The following ABCC1 variants were observed in gnomAD, a reference collection of about 807,000 sequenced individuals.
ABCC1 encodes the protein multidrug resistance-associated protein 1.
A neutral mutation model predicts 172.9 loss-of-function variants in ABCC1; 83 were observed. The observed-to-expected ratio is 0.48, with a 90% CI of 0.40 to 0.58. ABCC1 has a LOEUF of 0.58. ABCC1 is among the 20% of genes least tolerant of loss of function. The pLI is 0.00. For missense variants in ABCC1, 1,817 were observed against 2,002.7 expected (o/e 0.91, Z 1.77); for synonymous variants, 937 against 825.2 (o/e 1.14, Z -2.32).
At chr16:16,048,012 G>A (rs898303997) in intron 9 of ABCC1, 130 bp from the exon 10 acceptor site, 7 of 1,185,546 alleles carry the variant, frequency 5.9e-6, no homozygotes, top group South Asian at 2.8e-5. Context: ...CAGATAGGTC[G>A]GGAGGGGAGG....
At chr16:16,071,615 T>C in intron 13 of ABCC1, 27 bp from the exon 14 acceptor site, 1 of 1,604,552 alleles carries the variant, frequency 6.2e-7, no homozygotes, top group Non-Finnish European at 8.5e-7. Flanking sequence ...TAAAAATAAC[T>C]CTCCCCTGCC....
intron 1 of ABCC1, among the ~76,000 whole-genome samples, chr16:15,999,221 G>A (rs566951346): frequency 9.2e-5 from 14 of 152,114 alleles, no homozygotes; most frequent in Admixed American, 5.9e-4. Flanking sequence ...TAGCCAGGAT[G>A]GTCTCCATCT....
At chr16:16,073,971 C>T (rs937094889) in intron 14 of ABCC1, among the ~76,000 whole-genome samples, 9 of 152,134 alleles carry the variant, frequency 5.9e-5, no homozygotes, top group South Asian at 2.1e-4. Context: ...AAACGTTTGA[C>T]ACGTTTGACA....
intron 1 of ABCC1, among the ~76,000 whole-genome samples, chr16:15,979,338 A>G (rs550279681): frequency 6.6e-6 from 1 of 152,096 alleles, no homozygotes; most frequent in Admixed American, 6.5e-5. Flanking sequence ...TTTTTCCACA[A>G]ATGTGAAGTA....
At position 16,021,756 on chromosome 16, in the gene ABCC1, A is replaced by G. The variant is rs77670406; in HGVS notation, c.615+5135A>G. 9.8e-3 allele frequency among the ~76,000 whole-genome samples: 1,484 copies of G among 152,186 alleles called. 10 individuals carry two copies. The highest frequency in any genetic ancestry group is 0.017 in the Middle Eastern group (5 of 294). On this transcript the variant is annotated intron_variant, in intron 5 of 30. Coordinates refer to ENST00000399410, the MANE Select transcript of ABCC1 (RefSeq NM_004996.4). ...AACAAACAAACAAAATAACCACATA[A>G]CTACCTAGCAACGTAGCCTAGCAAT... is the stretch of plus-strand genomic sequence containing the variant.
At chr16:15,956,063 C>G (rs2045990937) in intron 1 of ABCC1, among the ~76,000 whole-genome samples, 1 of 152,086 alleles carries the variant, frequency 6.6e-6, no homozygotes, top group African/African-American at 2.4e-5. Context: ...GTCTGGCCAA[C>G]ATGGTGAAAG....
At chr16:15,959,825 C>T (rs1165568113) in intron 1 of ABCC1, among the ~76,000 whole-genome samples, 1 of 152,126 alleles carries the variant, frequency 6.6e-6, no homozygotes, top group African/African-American at 2.4e-5. Context: ...AGGCTAGCAT[C>T]CTGTAACCCT....
intron 24 of ABCC1, among the ~76,000 whole-genome samples, chr16:16,123,960 TGA>T (rs963220233): frequency 6.6e-6 from 1 of 152,174 alleles, no homozygotes; most frequent in Non-Finnish European, 1.5e-5. Context: ...GAGGCGGCAG[TGA>T]GCTGTGATCA....
At chr16:16,055,113 C>T (rs1454465335) in intron 11 of ABCC1, among the ~76,000 whole-genome samples, 1 of 151,988 alleles carries the variant, frequency 6.6e-6, no homozygotes, top group Non-Finnish European at 1.5e-5. Flanking sequence ...GCCTGTGGTC[C>T]CAGATACTAA....
At chr16:15,956,975 C>G (rs967748554) in intron 1 of ABCC1, among the ~76,000 whole-genome samples, 4 of 152,042 alleles carry the variant, frequency 2.6e-5, no homozygotes, top group East Asian at 1.9e-4. Flanking sequence ...TGGGCGGTGT[C>G]GAAACTTCTT....
chr16:16,079,028 C>T (rs2050699445), intron 15 of ABCC1, among the ~76,000 whole-genome samples: 1 of 152,086 alleles, frequency 6.6e-6, no homozygotes, highest in South Asian at 2.1e-4. Context: ...TTGCGTCATG[C>T]CCCCAGTAAA....
intron 1 of ABCC1, among the ~76,000 whole-genome samples, chr16:15,963,855 C>T (rs1018447853): frequency 2.0e-4 from 31 of 152,250 alleles, no homozygotes; most frequent in Non-Finnish European, 2.2e-4. Flanking sequence ...GAATTGGGCT[C>T]CTTGTTACTT....
chr16:16,107,695 A>C (rs1340285026), intron 21 of ABCC1, among the ~76,000 whole-genome samples: 1 of 152,030 alleles, frequency 6.6e-6, no homozygotes, highest in Admixed American at 6.6e-5. Context: ...TCTTTGTAAC[A>C]AGGAGACCGG....
intron 19 of ABCC1, among the ~76,000 whole-genome samples, chr16:16,093,518 C>T (rs926624392): frequency 8.5e-5 from 13 of 152,236 alleles, no homozygotes; most frequent in South Asian, 8.3e-4. Flanking sequence ...CCTGGCACCT[C>T]GTGCGTTCAT....
intron 1 of ABCC1, among the ~76,000 whole-genome samples, chr16:16,005,646 G>C (rs1049440415): frequency 1.3e-4 from 19 of 151,980 alleles, no homozygotes; most frequent in Admixed American, 7.9e-4. Context: ...GCGCCCAGAA[G>C]ATTTTCTGAT....
In ABCC1 at chr16:16,068,308, G is replaced by C. The variant is rs1278555559; in HGVS notation, c.1824+6G>C. The C allele has an allele frequency of 6.2e-7, 1 of 1,613,456 alleles. No individual in the cohort carries two copies. Among genetic ancestry groups the C allele is most frequent in the Non-Finnish European group, 8.5e-7 (1 of 1,179,826 alleles). On this transcript the variant is annotated splice_donor_region_variant and intron_variant, in intron 13 of 30. Coordinates refer to ENST00000399410, the MANE Select transcript of ABCC1 (RefSeq NM_004996.4). ...TCATCAGCAGCATCGTGCAGGTACA[G>C]GGGGAAGCTGGGGCGACTTCCGAGA...
At chr16:16,111,939 T>C (rs745871098) in intron 22 of ABCC1, among the ~76,000 whole-genome samples, 2 of 152,178 alleles carry the variant, frequency 1.3e-5, no homozygotes, top group Non-Finnish European at 2.9e-5. Context: ...TTGCGGACTT[T>C]TGCCTGCTGA....
At chr16:16,016,697 C>G (rs368768722) in intron 5 of ABCC1, 76 bp downstream of exon 5, 17 of 1,581,594 alleles carry the variant, frequency 1.1e-5, no homozygotes, top group Admixed American at 8.7e-5. Context: ...GCTAACATTT[C>G]TTAGATCCAT....
intron 5 of ABCC1, among the ~76,000 whole-genome samples, chr16:16,032,070 A>G (rs1440049394): frequency 6.6e-6 from 1 of 152,120 alleles, no homozygotes; most frequent in Non-Finnish European, 1.5e-5. Flanking sequence ...GGCTCACTGC[A>G]ACCTCCGCCT....
Sources: allele counts gnomAD v4.1 joint callset (sites outside exome capture counted in the v4.1 genomes callset), GRCh38; gene constraint gnomAD v4.1.1; transcripts MANE v1.5; gene names NCBI Gene and HGNC (gene_info 2026-07-23, HGNC 2026-07-21).